Variants in UBA52 observed in about 807,000 individuals in gnomAD.
The protein encoded by UBA52 is ubiquitin A-52 residue ribosomal protein fusion product 1, also known as ubiquitin-ribosomal protein eL40 fusion protein.
In UBA52, 1 loss-of-function variant was observed where a neutral mutation model predicts 15.3. The observed-to-expected ratio is 0.07, with a 90% CI of 0.02 to 0.31. UBA52 has a LOEUF of 0.31. UBA52 is among the 10% of genes least tolerant of loss of function. The pLI, the probability that UBA52 is intolerant of heterozygous loss-of-function variation, is 1.00. For synonymous variants in UBA52, 50 were observed against 58.3 expected, an observed-to-expected ratio of 0.86 and a Z score of 0.65; for missense variants, 87 against 168.0, an observed-to-expected ratio of 0.52 and a Z score of 2.66.
upstream of UBA52, among the ~76,000 whole-genome samples, chr19:18,567,741 C>T (rs1003194322): frequency 3.3e-5 from 5 of 152,186 alleles, no homozygotes; most frequent in Non-Finnish European, 5.9e-5. Flanking sequence ...GGGTTCACAC[C>T]ATCTGTTGAA....
upstream of UBA52, chr19:18,567,253 C>T: frequency 6.9e-7 from 1 of 1,458,286 alleles, no homozygotes; most frequent in African/African-American, 1.4e-5. Context: ...GGAAGGCCAC[C>T]TTGGGGCCTG....
At chr19:18,574,044 G>A (rs979415848) in intron 3 of UBA52, among the ~76,000 whole-genome samples, 3 of 151,928 alleles carry the variant, frequency 2.0e-5, no homozygotes, top group Non-Finnish European at 1.5e-5. Flanking sequence ...CCAGCACTTC[G>A]GGAGGCTGAG....
In UBA52 at chr19:18,576,518, C is replaced by CA. The variant is rs1245339705; in HGVS notation, c.*1369dup. 3 of 152,272 alleles carry CA rather than the reference C, an allele frequency of 2.0e-5. No individual in the cohort carries two copies. Among genetic ancestry groups the CA allele is most frequent in the Admixed American group, 6.5e-5 (1 of 15,288 alleles). 9.4% of individuals were successfully genotyped at this position (152,272 alleles called of 1,614,324 possible). ...GCCTTGATCTCCCAGGATCTTGCCTCAGCCTCCCGAGTAGCTGGGACTGCA... is the reference window on the plus strand; with the variant it reads ...GCCTTGATCTCCCAGGATCTTGCCTCAAGCCTCCCGAGTAGCTGGGACTGCA... On this transcript the variant is annotated 3_prime_UTR_variant, in exon 5 of 5. Transcript: ENST00000442744.
the UBA52 span, chr19:18,565,075 C>G: frequency 6.3e-7 from 1 of 1,586,434 alleles, no homozygotes; most frequent in African/African-American, 1.3e-5. Flanking sequence ...ACCTCCCCAT[C>G]TGAGCCTCAG....
upstream of UBA52, chr19:18,568,366 G>T: frequency 6.6e-7 from 1 of 1,517,364 alleles, no homozygotes; most frequent in Admixed American, 1.7e-5. Flanking sequence ...AGCTTGGCAA[G>T]GTGACAAAAC....
chr19:18,564,780 C>A, the UBA52 span: 1 of 1,459,102 alleles, frequency 6.9e-7, no homozygotes, highest in South Asian at 1.2e-5. Flanking sequence ...GTGAAGCAGG[C>A]AAGGGCTTGG....
chr19:18,574,766 C>A, intron 3 of UBA52, 104 bp from the exon 4 acceptor site: 1 of 1,417,474 alleles, frequency 7.1e-7, no homozygotes, highest in Non-Finnish European at 9.6e-7. Context: ...GTGTCCCCAT[C>A]ACACTTGAGA....
chr19:18,568,396 C>T, upstream of UBA52: 2 of 1,609,886 alleles, frequency 1.2e-6, no homozygotes, highest in Non-Finnish European at 1.7e-6. Flanking sequence ...GGCCTCCTTC[C>T]CCCAGATATC....
Position 18,575,493 on chromosome 19 carries a change from C to G in UBA52, c.*343C>G. 2.8e-6 allele frequency: 1 copy of G among 354,658 alleles called. No individual in the cohort carries two copies. The allele number at this position is 354,658 out of a possible 1,614,324, so 22.0% of individuals were successfully genotyped here. A position where few individuals can be genotyped will look rare whatever the true frequency, so the allele number is the denominator to read the frequency against. ...GTCATTGCTGGGATCCTGTCAGGCA[C>G]TTTGAGGTGTCCCTCAGGCCTTGGC... On this transcript the variant is annotated 3_prime_UTR_variant, in exon 5 of 5. Coordinates refer to ENST00000442744, the MANE Select transcript of UBA52 (RefSeq NM_001033930.3).
At chr19:18,568,317 C>A, upstream of UBA52, 1 of 982,044 alleles carries the variant, frequency 1.0e-6, no homozygotes, top group Non-Finnish European at 1.6e-6. Flanking sequence ...GTGAGGGCAG[C>A]CGTTAGGGGT....
chr19:18,564,820 A>C, the UBA52 span: 1 of 1,604,478 alleles, frequency 6.2e-7, no homozygotes, highest in East Asian at 2.2e-5. Flanking sequence ...CAGGTTGGGC[A>C]GGGCCCTGAA....
rs754606674 is a variant in UBA52 at position 18,571,900 on chromosome 19, G to C, written c.-18G>C. 1 of 153,030 alleles carries C rather than the reference G, an allele frequency of 6.5e-6. No individual in the cohort carries two copies. The highest frequency in any genetic ancestry group is 1.9e-4 in the East Asian group (1 of 5,230). The allele number at this position is 153,030 out of a possible 1,614,324, so 9.5% of individuals were successfully genotyped here. ...GGCGGCCGAGCTGGTTGGTGGCGGC[G>C]GTCGTGCGGGTTCGCGCCGGGCCGA... is the stretch of plus-strand genomic sequence containing the variant. On this transcript the variant is annotated 5_prime_UTR_variant, in exon 1 of 5. Transcript: ENST00000442744.
At chr19:18,571,310 CAAAAAAAAA>C (rs756456955), upstream of UBA52, among the ~76,000 whole-genome samples, 383 of 108,224 alleles carry the variant, frequency 3.5e-3, 1 homozygote, top group African/African-American at 0.014. Flanking sequence ...AACTCCGTCT[CAAAAAAAAA>C]AAAAAAAAAA....
the UBA52 span, among the ~76,000 whole-genome samples, chr19:18,565,885 A>C: frequency 6.6e-6 from 1 of 152,026 alleles, no homozygotes; most frequent in Non-Finnish European, 1.5e-5. Flanking sequence ...ACGAGATTTC[A>C]CCGTGTTGCC....
Position 18,575,039 on chromosome 19 carries a change from C to T in UBA52, c.294-18C>T, listed in dbSNP as rs1300354881. 2 of 1,614,234 alleles carry T rather than the reference C, an allele frequency of 1.2e-6. No homozygotes were observed. Among genetic ancestry groups the T allele is most frequent in the Admixed American group, 1.7e-5 (1 of 60,034 alleles). On this transcript the variant is annotated intron_variant, in intron 4 of 4. Transcript: ENST00000442744. ...GAGTCGGGGTATGCCCTCACCCACC[C>T]CTCCTGTCTCTGTGCAGGTGCTATG...
chr19:18,574,445 C>T (rs183536134), intron 3 of UBA52, among the ~76,000 whole-genome samples: 1 of 151,780 alleles, frequency 6.6e-6, no homozygotes, highest in South Asian at 2.1e-4. Flanking sequence ...CCCGCCACCA[C>T]GCCCAGCTAA....
chr19:18,564,691 A>G, the UBA52 span, among the ~76,000 whole-genome samples: 10 of 152,144 alleles, frequency 6.6e-5, no homozygotes, highest in African/African-American at 2.4e-4. Flanking sequence ...AGGGTTTTGA[A>G]GGTTGAATAG....
At chr19:18,571,310 C>CA (rs756456955), upstream of UBA52, among the ~76,000 whole-genome samples, 55,179 of 108,040 alleles carry the variant, frequency 0.51, 14,537 homozygotes, top group East Asian at 0.67. Flanking sequence ...AACTCCGTCT[C>CA]AAAAAAAAAA....
At chr19:18,573,243 C>T in intron 1 of UBA52, 50 bp from the exon 2 acceptor site, 1 of 1,557,698 alleles carries the variant, frequency 6.4e-7, no homozygotes, top group Non-Finnish European at 8.8e-7. Context: ...GCTTGTGCTA[C>T]TCAGGCATGC....
Sources: allele counts gnomAD v4.1 joint callset (sites outside exome capture counted in the v4.1 genomes callset), GRCh38; gene constraint gnomAD v4.1.1; transcripts MANE v1.5; gene names NCBI Gene and HGNC (gene_info 2026-07-23, HGNC 2026-07-21).